The following SEPTIN9 variants were observed in gnomAD, a reference collection of about 807,000 sequenced individuals.
SEPTIN9 encodes septin-9.
Under a neutral mutation model 56.6 loss-of-function variants are expected in SEPTIN9, and 13 were observed. The observed-to-expected ratio is 0.23, with a 90% CI of 0.15 to 0.37. The LOEUF is 0.37. SEPTIN9 is among the 10% of genes least tolerant of loss of function. The probability of loss-of-function intolerance (pLI) is 1.00; values close to 1 mark genes in which losing one functional copy is unlikely to be tolerated. For missense variants in SEPTIN9, 650 were observed against 823.1 expected (o/e 0.79, Z 2.57); for synonymous variants, 332 against 334.1 (o/e 0.99, Z 0.07).
intron 1 of SEPTIN9, among the ~76,000 whole-genome samples, chr17:77,301,079 C>A (rs1205359156): frequency 9.4e-5 from 14 of 148,906 alleles, no homozygotes; most frequent in African/African-American, 3.5e-4. Context: ...TCAAACCACC[C>A]CCATCCTAGG....
chr17:77,464,961 A>C (rs2038649702), intron 3 of SEPTIN9, among the ~76,000 whole-genome samples: 1 of 152,092 alleles, frequency 6.6e-6, no homozygotes, highest in South Asian at 2.1e-4. Flanking sequence ...CATCATCCCC[A>C]AAAGAGACCC....
chr17:77,408,924 A>G, intron 3 of SEPTIN9, among the ~76,000 whole-genome samples: 1 of 152,108 alleles, frequency 6.6e-6, no homozygotes, highest in Non-Finnish European at 1.5e-5. Flanking sequence ...GGTGTAAGGC[A>G]GGGGGCCTTG....
chr17:77,496,772 C>T (rs1377322143), intron 10 of SEPTIN9, among the ~76,000 whole-genome samples: 2 of 152,232 alleles, frequency 1.3e-5, no homozygotes, highest in African/African-American at 4.8e-5. Flanking sequence ...TACGTAGCCC[C>T]TGTGTGTGTC....
At chr17:77,472,045 C>G (rs1379919636) in intron 3 of SEPTIN9, among the ~76,000 whole-genome samples, 1 of 152,172 alleles carries the variant, frequency 6.6e-6, no homozygotes, top group African/African-American at 2.4e-5. Context: ...CTGAGAGTGG[C>G]TCTTTAGGAA....
intron 3 of SEPTIN9, among the ~76,000 whole-genome samples, chr17:77,427,915 T>C (rs1421470147): frequency 6.6e-6 from 1 of 152,212 alleles, no homozygotes; most frequent in Non-Finnish European, 1.5e-5. Context: ...TGCAAGGTCC[T>C]GATCCACTCG....
rs1411473406 is a variant in SEPTIN9, at chr17:77,498,840, G to A, written c.*182G>A. On this transcript the variant is annotated 3_prime_UTR_variant, in exon 12 of 12. Coordinates refer to ENST00000427177, the MANE Select transcript of SEPTIN9 (RefSeq NM_001113491.2). ...CTCCGAGTGAGTCAGTGATGAGGCC[G>A]CGGCCTCCCCGAGGTTGTGGGGAGG... 4.0e-5 allele frequency: 25 copies of A among 630,964 alleles called. No individual in the cohort carries two copies. Among genetic ancestry groups the A allele is most frequent in the East Asian group, 3.1e-4 (10 of 32,388 alleles). The allele number at this position is 630,964 out of a possible 1,614,324, so 39.1% of individuals were successfully genotyped here. A position where few individuals can be genotyped will look rare whatever the true frequency, so the allele number is the denominator to read the frequency against.
intron 3 of SEPTIN9, among the ~76,000 whole-genome samples, chr17:77,423,124 C>T (rs956033926): frequency 6.6e-6 from 1 of 152,176 alleles, no homozygotes; most frequent in African/African-American, 2.4e-5. Flanking sequence ...CAACCTCCAC[C>T]TCCAGGGTTC....
chr17:77,326,449 C>A lies in SEPTIN9; in HGVS notation c.76+19252C>A, dbSNP rs777324493. 3.3e-5 allele frequency among the ~76,000 whole-genome samples: 5 copies of A among 152,148 alleles called. No individual in the cohort carries two copies. Among genetic ancestry groups the A allele is most frequent in the African/African-American group, 1.2e-4 (5 of 41,432 alleles). On this transcript the variant is annotated intron_variant, in intron 2 of 11. Transcript: ENST00000427177. The surrounding 1 kb of genome is among the most constrained non-coding windows in gnomAD (Gnocchi z 5.1). ...CTCGGGGGGACACCTTCGGGCTGAG[C>A]GCAGAAGGATGAGGGGAGTAAACCA...
chr17:77,357,040 GT>G (rs150704116), intron 2 of SEPTIN9, among the ~76,000 whole-genome samples: 3,457 of 152,064 alleles, frequency 0.023, 62 homozygotes, highest in Non-Finnish European at 0.036. Flanking sequence ...TGGCTGGGCT[GT>G]GGGGGGACCT....
chr17:77,418,741 C>T (rs920618578), intron 3 of SEPTIN9, among the ~76,000 whole-genome samples: 7 of 152,216 alleles, frequency 4.6e-5, no homozygotes, highest in South Asian at 2.1e-4. Context: ...TGCAAAGCCA[C>T]CCTCCCCTCG....
chr17:77,370,010 T>C (rs2034673077), intron 2 of SEPTIN9, among the ~76,000 whole-genome samples: 1 of 152,152 alleles, frequency 6.6e-6, no homozygotes, highest in African/African-American at 2.4e-5. Flanking sequence ...CCATCCCCCT[T>C]CCCTTGGGAC....
At chr17:77,399,422 A>T (rs950073898) in intron 2 of SEPTIN9, among the ~76,000 whole-genome samples, 81 of 152,124 alleles carry the variant, frequency 5.3e-4, no homozygotes, top group African/African-American at 1.9e-3. Flanking sequence ...CACCCATAGG[A>T]CAGAGGCACA....
rs533966005 is a variant in SEPTIN9, at chr17:77,456,834, C to T, written c.722-25310C>T. Among the ~76,000 whole-genome samples, 1 of 152,148 alleles carries T rather than the reference C, an allele frequency of 6.6e-6. No homozygotes were observed. Among genetic ancestry groups the T allele is most frequent in the Non-Finnish European group, 1.5e-5 (1 of 68,016 alleles). On this transcript the variant is annotated intron_variant, in intron 3 of 11. Transcript: ENST00000427177. The surrounding 1 kb of genome is among the most constrained non-coding windows in gnomAD (Gnocchi z 6.0). ...GGGTCCCCACAGCCAAGGACAAGTC[C>T]CCACGGCCAATACCAGATCCCAGTG...
At chr17:77,300,738 C>T (rs1394948650) in intron 1 of SEPTIN9, among the ~76,000 whole-genome samples, 1 of 129,262 alleles carries the variant, frequency 7.7e-6, no homozygotes, top group African/African-American at 2.9e-5. Context: ...CCGCCCCCAT[C>T]CCAGCTCAAA....
intron 3 of SEPTIN9, among the ~76,000 whole-genome samples, chr17:77,420,261 G>A (rs184819240): frequency 6.6e-6 from 1 of 152,174 alleles, no homozygotes; most frequent in Admixed American, 6.5e-5. Flanking sequence ...GAAGCGGGCC[G>A]GACAGCCCGG....
intron 2 of SEPTIN9, among the ~76,000 whole-genome samples, chr17:77,393,176 G>A (rs560529647): frequency 1.2e-3 from 184 of 152,270 alleles, no homozygotes; most frequent in African/African-American, 4.2e-3. Context: ...GCCAATAAAG[G>A]GTGCCTCACC....
At chr17:77,331,681 A>G (rs1410751819) in intron 2 of SEPTIN9, among the ~76,000 whole-genome samples, 1 of 152,160 alleles carries the variant, frequency 6.6e-6, no homozygotes, top group East Asian at 1.9e-4. Context: ...AGTTTCCGCC[A>G]ACTGTGACTG....
intron 7 of SEPTIN9, 65 bp from the exon 8 acceptor site, chr17:77,490,677 G>A (rs2039986833): frequency 1.6e-6 from 2 of 1,255,002 alleles, no homozygotes; most frequent in Non-Finnish European, 2.3e-6. Context: ...CACCTGCTTG[G>A]GGGTGGGTGC....
intron 2 of SEPTIN9, chr17:77,397,083 G>T (rs753365545): frequency 4.5e-5 from 7 of 154,814 alleles, no homozygotes; most frequent in Non-Finnish European, 1.0e-4. Flanking sequence ...TCTTCCCAGG[G>T]GTCTCGTTGT....
Sources: gnomAD v4.1 joint callset for allele counts (sites outside exome capture counted in the v4.1 genomes callset) on GRCh38, gnomAD v4.1.1 for gene constraint, Gnocchi (gnomAD v3.1) non-coding constraint, MANE v1.5 for transcripts, NCBI Gene and HGNC (gene_info 2026-07-23, HGNC 2026-07-21) for gene names.